Variants in ANKRD26 observed in about 807,000 individuals in gnomAD.
ANKRD26 encodes ankyrin repeat domain-containing protein 26.
In ANKRD26, 141 loss-of-function variants were observed where a neutral mutation model predicts 208.7. The observed-to-expected ratio is 0.68, with a 90% CI of 0.59 to 0.78. ANKRD26 has a LOEUF of 0.78. ANKRD26 is among the 30% of genes least tolerant of loss of function. ANKRD26 has a pLI of 0.00. For missense variants in ANKRD26, 1,889 were observed against 1,938.7 expected, an observed-to-expected ratio of 0.97 and a Z score of 0.48; for synonymous variants, 636 against 660.4, an observed-to-expected ratio of 0.96 and a Z score of 0.57.
chr10:27,039,860 G>A, intron 21 of ANKRD26, 105 bp downstream of exon 21: 1 of 1,063,688 alleles, frequency 9.4e-7, no homozygotes, highest in Non-Finnish European at 1.4e-6. Context: ...AGACTAAGAA[G>A]TTTTCTTCCC....
chr10:27,081,764 G>A (rs1382611178), intron 6 of ANKRD26, among the ~76,000 whole-genome samples: 1 of 151,314 alleles, frequency 6.6e-6, no homozygotes, highest in East Asian at 1.9e-4. Context: ...TTGAGACAGA[G>A]TCCCGCTCTG....
chr10:26,995,833 G>A (rs1378320606), intron 4 of ANKRD26, among the ~76,000 whole-genome samples: 3 of 152,128 alleles, frequency 2.0e-5, no homozygotes, highest in African/African-American at 7.2e-5. Flanking sequence ...CTAACCCAAG[G>A]AGAATGTCAT....
intron 24 of ANKRD26, 63 bp downstream of exon 24, chr10:27,034,733 T>A: frequency 9.5e-7 from 1 of 1,057,162 alleles, no homozygotes; most frequent in Non-Finnish European, 1.4e-6. Context: ...ACTACATAAC[T>A]ATATATTATT....
At chr10:26,971,996 G>A (rs1401508567), downstream of ANKRD26, among the ~76,000 whole-genome samples, 1 of 152,128 alleles carries the variant, frequency 6.6e-6, no homozygotes, top group Non-Finnish European at 1.5e-5. Context: ...AGCACTTTGG[G>A]AGGCCAAGGT....
At chr10:26,960,503 G>A in the ANKRD26 span, among the ~76,000 whole-genome samples, 1 of 152,156 alleles carries the variant, frequency 6.6e-6, no homozygotes, top group East Asian at 1.9e-4. Flanking sequence ...CAGTCCATAT[G>A]ACCACAGAAC....
rs143467373 is a variant in ANKRD26, at chr10:27,039,308, G to C, written c.2375+657C>G. On this transcript the variant is annotated intron_variant, in intron 21 of 33. Transcript: ENST00000376087. Reference sequence around the variant, plus strand: ...CTCTACTAAAAAAATACAAAAATTAGCTGGGCATGGTGGCGTGCGCCTGTA... The same window carrying C: ...CTCTACTAAAAAAATACAAAAATTACCTGGGCATGGTGGCGTGCGCCTGTA... 6.5e-3 allele frequency among the ~76,000 whole-genome samples: 994 copies of C among 152,218 alleles called. 39 individuals are homozygous for C. The East Asian group carries it at 0.11, about 18-fold the overall frequency.
Position 27,005,167 on chromosome 10 carries a change from T to C in ANKRD26, c.*423A>G. On this transcript the variant is annotated 3_prime_UTR_variant, in exon 34 of 34. Transcript: ENST00000376087. ...GCTTAAAATTAAAATTATGTAAATT[T>C]GATGGCACTGTAACAATTGTAATAC... is the stretch of plus-strand genomic sequence containing the variant. 1 of 986,800 alleles carries C rather than the reference T, an allele frequency of 1.0e-6. No individual in the cohort carries two copies. The highest frequency in any genetic ancestry group is 1.2e-6 in the Non-Finnish European group (1 of 830,892). The allele number at this position is 986,800 out of a possible 1,614,324, so 61.1% of individuals were successfully genotyped here.
At chr10:26,992,630 G>GTAATGTAACTATTA (rs2052510867) in intron 5 of ANKRD26, among the ~76,000 whole-genome samples, 11 of 152,062 alleles carry the variant, frequency 7.2e-5, no homozygotes, top group Admixed American at 6.6e-4. Flanking sequence ...TATTACTCTA[G>GTAATGTAACTATTA]CCTTTTTGGT....
chr10:26,993,122 A>G (rs1252873216), intron 5 of ANKRD26, among the ~76,000 whole-genome samples: 1 of 152,190 alleles, frequency 6.6e-6, no homozygotes, highest in Non-Finnish European at 1.5e-5. Flanking sequence ...TGATCATACC[A>G]TTGGAATACA....
chr10:26,974,919 T>A (rs2134600136), exon 6 of ANKRD26, among the ~76,000 whole-genome samples: 1 of 131,832 alleles, frequency 7.6e-6, no homozygotes, highest in East Asian at 1.9e-4. Flanking sequence ...CTTTTCTCTC[T>A]CACTATTATT....
chr10:26,988,263 A>C (rs1311562385), downstream of ANKRD26, among the ~76,000 whole-genome samples: 3 of 152,148 alleles, frequency 2.0e-5, no homozygotes, highest in African/African-American at 7.2e-5. Context: ...CTCTCACTCT[A>C]CTAGGGTTAA....
intron 5 of ANKRD26, among the ~76,000 whole-genome samples, chr10:26,978,130 T>A (rs2052253749): frequency 6.6e-6 from 1 of 152,172 alleles, no homozygotes; most frequent in South Asian, 2.1e-4. Context: ...AAACCTAGAA[T>A]AATTTTGCAA....
chr10:27,062,774 T>C (rs11015500), intron 12 of ANKRD26, among the ~76,000 whole-genome samples: 12,195 of 148,946 alleles, frequency 0.082, 564 homozygotes, highest in African/African-American at 0.14. Flanking sequence ...TTCTTTCTTT[T>C]TTTTTTTTTT....
chr10:27,043,879 A>G (rs922008701), intron 19 of ANKRD26, among the ~76,000 whole-genome samples: 2 of 151,668 alleles, frequency 1.3e-5, no homozygotes, highest in Non-Finnish European at 2.9e-5. Context: ...GAAGCTTCAA[A>G]CTCCCAGGCT....
chr10:26,966,682 G>C, the ANKRD26 span, among the ~76,000 whole-genome samples: 1 of 152,158 alleles, frequency 6.6e-6, no homozygotes, highest in Non-Finnish European at 1.5e-5. Flanking sequence ...AGCATACCTT[G>C]TTTAATTGCA....
downstream of ANKRD26, among the ~76,000 whole-genome samples, chr10:27,001,183 C>A (rs545041641): frequency 6.8e-4 from 103 of 152,132 alleles, no homozygotes; most frequent in African/African-American, 2.4e-3. Context: ...CTGAACATTT[C>A]GGTTCAAAAG....
chr10:27,089,421 T>C (rs2056223747), intron 4 of ANKRD26, among the ~76,000 whole-genome samples: 1 of 152,210 alleles, frequency 6.6e-6, no homozygotes, highest in African/African-American at 2.4e-5. Context: ...ATCCCATGCA[T>C]AGGGGTTATA....
intron 1 of ANKRD26, 75 bp from the exon 2 acceptor site, chr10:27,093,874 A>C (rs1301862432): frequency 1.7e-6 from 2 of 1,172,528 alleles, no homozygotes; most frequent in Non-Finnish European, 2.5e-6. Context: ...AAAATTATAA[A>C]CATTAAATAG....
In ANKRD26 at chr10:27,005,630, C is replaced by A; in HGVS notation, c.5093G>T (p.Arg1698Ile). Residue 1698 changes from arginine (R) to isoleucine (I), a missense_variant, in exon 34 of 34, where the codon AGA becomes ATA. By Grantham distance (97) the Arg-to-Ile change is moderately conservative. Coordinates refer to ENST00000376087, the MANE Select transcript of ANKRD26 (RefSeq NM_014915.3). The part of the protein sequence containing the change: ...LNQDLVWKAS[R>I]EYVQVLKKNY... The stretch of plus-strand genomic sequence containing the variant: ...TTTCTTTAAAACCTGTACATATTCT[C>A]TTGATGCTTTCCAAACTAGATCTTG... The A allele has an allele frequency of 2.5e-6, 4 of 1,613,022 alleles. No homozygotes were observed. Among genetic ancestry groups the A allele is most frequent in the Non-Finnish European group, 3.4e-6 (4 of 1,179,432 alleles).
Sources: gnomAD v4.1 joint callset for allele counts (sites outside exome capture counted in the v4.1 genomes callset) on GRCh38, gnomAD v4.1.1 for gene constraint, MANE v1.5 for transcripts, NCBI Gene and HGNC (gene_info 2026-07-23, HGNC 2026-07-21) for gene names.